The following SYN3 variants were observed in gnomAD, a reference collection of about 807,000 sequenced individuals.
SYN3 encodes the protein synapsin-3.
A neutral mutation model predicts 65.8 loss-of-function variants in SYN3; 35 were observed. The observed-to-expected ratio is 0.53, with a 90% confidence interval of 0.41 to 0.70. The LOEUF is 0.70. Among genes scored for constraint, SYN3 ranks in the 30% least tolerant of loss-of-function variants. The pLI is 0.00. For synonymous variants in SYN3, 270 were observed against 292.9 expected (o/e 0.92, Z 0.80); for missense variants, 680 against 749.0 (o/e 0.91, Z 1.08).
At chr22:32,627,067 G>A (rs1430493717) in intron 6 of SYN3, among the ~76,000 whole-genome samples, 2 of 152,102 alleles carry the variant, frequency 1.3e-5, no homozygotes, top group Admixed American at 6.5e-5. Context: ...TGGCTGGGGC[G>A]TCGAGGGGTA....
intron 6 of SYN3, among the ~76,000 whole-genome samples, chr22:32,811,539 T>C (rs1281643489): frequency 6.6e-6 from 1 of 152,206 alleles, no homozygotes; most frequent in African/African-American, 2.4e-5. Context: ...CCAAATCTAA[T>C]GTGTTCCATT....
chr22:32,538,016 A>G lies in SYN3; in HGVS notation c.992+20T>C, dbSNP rs201363677. The G allele has an allele frequency of 1.2e-6, 2 of 1,612,002 alleles. No individual in the cohort carries two copies. The highest frequency in any genetic ancestry group is 1.7e-5 in the Admixed American group (1 of 60,016). ...CCTACTATGGCCAGTGCCTCTCCCT[A>G]CACCTCCTTTGTCTCTTACCTCTCT... On this transcript the variant is annotated intron_variant, in intron 9 of 13. Transcript: ENST00000358763.
At chr22:32,681,257 C>T (rs2060518695) in intron 6 of SYN3, among the ~76,000 whole-genome samples, 3 of 144,170 alleles carry the variant, frequency 2.1e-5, no homozygotes, top group Non-Finnish European at 4.6e-5. Context: ...GTTGTTACAA[C>T]TTGGGAGTGG....
intron 7 of SYN3, among the ~76,000 whole-genome samples, chr22:32,593,567 G>C (rs1407195956): frequency 6.6e-6 from 1 of 152,122 alleles, no homozygotes; most frequent in Non-Finnish European, 1.5e-5. Flanking sequence ...AATGACTGGT[G>C]GTTCCTGCTG....
intron 6 of SYN3, among the ~76,000 whole-genome samples, chr22:32,681,641 C>A (rs1601904121): frequency 6.6e-6 from 1 of 152,316 alleles, no homozygotes; most frequent in East Asian, 1.9e-4. Flanking sequence ...CAGCTGCTGA[C>A]TCAATCCACC....
intron 2 of SYN3, among the ~76,000 whole-genome samples, chr22:32,994,098 CTCACGG>C (rs2052806629): frequency 6.6e-6 from 1 of 152,188 alleles, no homozygotes; most frequent in Non-Finnish European, 1.5e-5. Flanking sequence ...GCGTGTAGAC[CTCACGG>C]AGAGGGGTCA....
chr22:32,526,401 C>T (rs2146123581), intron 12 of SYN3, among the ~76,000 whole-genome samples: 1 of 152,104 alleles, frequency 6.6e-6, no homozygotes, highest in South Asian at 2.1e-4. Flanking sequence ...CATTTGGTGG[C>T]CAAGGTTGAC....
At chr22:32,600,432 CTCTGTT>C (rs2059265511) in intron 6 of SYN3, among the ~76,000 whole-genome samples, 1 of 152,184 alleles carries the variant, frequency 6.6e-6, no homozygotes, top group Non-Finnish European at 1.5e-5. Context: ...TGCTGTGCAG[CTCTGTT>C]TCTAACAGGC....
At chr22:33,040,464 G>A (rs1439059224) in intron 1 of SYN3, among the ~76,000 whole-genome samples, 1 of 152,060 alleles carries the variant, frequency 6.6e-6, no homozygotes, top group Non-Finnish European at 1.5e-5. Context: ...CATCCAATTA[G>A]TTCTCCTTCA....
intron 7 of SYN3, chr22:32,583,740 A>G (rs2058982431): frequency 6.6e-6 from 1 of 152,206 alleles, no homozygotes; most frequent in African/African-American, 2.4e-5. Flanking sequence ...ACTTTGGCCC[A>G]CTTCCTTGTA....
intron 6 of SYN3, among the ~76,000 whole-genome samples, chr22:32,624,249 G>A (rs930344194): frequency 1.3e-5 from 2 of 152,176 alleles, no homozygotes; most frequent in African/African-American, 4.8e-5. Flanking sequence ...GGGAGGCCTG[G>A]GTTGGGGGCT....
At chr22:32,779,709 C>T (rs1317498212) in intron 6 of SYN3, among the ~76,000 whole-genome samples, 1 of 152,086 alleles carries the variant, frequency 6.6e-6, no homozygotes, top group East Asian at 1.9e-4. Flanking sequence ...GTGCTTTTCT[C>T]CCAAATGCCC....
At chr22:33,046,700 G>A (rs2054071121) in intron 1 of SYN3, among the ~76,000 whole-genome samples, 1 of 151,960 alleles carries the variant, frequency 6.6e-6, no homozygotes, top group African/African-American at 2.4e-5. Flanking sequence ...CAAATTAGCT[G>A]GGTGTGGTGG....
chr22:32,818,720 T>A (rs1264908277), intron 6 of SYN3, among the ~76,000 whole-genome samples: 1 of 152,148 alleles, frequency 6.6e-6, no homozygotes, highest in Non-Finnish European at 1.5e-5. Flanking sequence ...GAAAAGCTGA[T>A]GTCACTGTGG....
At chr22:32,643,035 A>G (rs1406410535) in intron 6 of SYN3, among the ~76,000 whole-genome samples, 1 of 152,178 alleles carries the variant, frequency 6.6e-6, no homozygotes, top group Non-Finnish European at 1.5e-5. Context: ...AGCTTATAAA[A>G]GTGATAGGGA....
Position 32,512,060 on chromosome 22 carries a change from G to C in SYN3, c.*1632C>G, listed in dbSNP as rs1462761797. 2.6e-5 allele frequency among the ~76,000 whole-genome samples: 4 copies of C among 152,210 alleles called. No homozygotes were observed. ...AAGGCAGGCTTTTCTGAGGTTGAGA[G>C]TTCTAAGTGATCCAATGCCCACAGA... is the stretch of plus-strand genomic sequence containing the variant. On this transcript the variant is annotated 3_prime_UTR_variant, in exon 14 of 14. Coordinates refer to ENST00000358763, the MANE Select transcript of SYN3 (RefSeq NM_003490.4).
At position 33,058,354 on chromosome 22, in the gene SYN3, C is replaced by T. The variant is rs1456391544; in HGVS notation, c.-225G>A. 6.6e-6 allele frequency: 1 copy of T among 151,598 alleles called. No individual in the cohort carries two copies. The highest frequency in any genetic ancestry group is 1.5e-5 in the Non-Finnish European group (1 of 67,850). The allele number at this position is 151,598 out of a possible 1,614,324, so 9.4% of individuals were successfully genotyped here. On this transcript the variant is annotated 5_prime_UTR_variant, in exon 1 of 14. Coordinates refer to ENST00000358763, the MANE Select transcript of SYN3 (RefSeq NM_003490.4). ...TCGGCGCGGCGCCCGCCAGTCGATC[C>T]GCTCCGGGTCCCGGGAGCTCAGCCT...
intron 4 of SYN3, among the ~76,000 whole-genome samples, chr22:32,879,173 T>C (rs1048388024): frequency 6.6e-6 from 1 of 152,210 alleles, no homozygotes; most frequent in African/African-American, 2.4e-5. Context: ...CTCTTTAAGA[T>C]CTGCCTGAGC....
chr22:33,056,177 C>T (rs1359355529), intron 1 of SYN3, among the ~76,000 whole-genome samples: 1 of 152,106 alleles, frequency 6.6e-6, no homozygotes, highest in Non-Finnish European at 1.5e-5. Flanking sequence ...CAGTAGTCTT[C>T]GTGGCTATTA....
Sources: gnomAD v4.1 joint callset for allele counts (sites outside exome capture counted in the v4.1 genomes callset) on GRCh38, gnomAD v4.1.1 for gene constraint, MANE v1.5 for transcripts, NCBI Gene and HGNC (gene_info 2026-07-23, HGNC 2026-07-21) for gene names.